Variants in AGBL1 observed in about 807,000 individuals in gnomAD.
The protein encoded by AGBL1 is cytosolic carboxypeptidase 4.
A neutral mutation model predicts 118.9 loss-of-function variants in AGBL1; 130 were observed. The observed-to-expected ratio is 1.09, with a 90% CI of 0.95 to 1.26. AGBL1 has a LOEUF of 1.26. Among genes scored for constraint, AGBL1 ranks in the 50% most tolerant of loss-of-function variants. The pLI is 0.00. For missense variants in AGBL1, 1,584 were observed against 1,298.1 expected (o/e 1.22, Z -3.38); for synonymous variants, 555 against 478.9 (o/e 1.16, Z -2.08).
rs545382956 is a variant in AGBL1 at position 86,277,770 on chromosome 15, G to T, written c.2076-1869G>T. On this transcript the variant is annotated intron_variant, in intron 15 of 22. Coordinates refer to ENST00000614907, the MANE Select transcript of AGBL1 (RefSeq NM_001386094.1). ...CAGGCTCTGTCTCCACCATTTGTAG[G>T]TGAAGAACTGGGGACAGTGAGGCAC... 8.5e-5 allele frequency among the ~76,000 whole-genome samples: 13 copies of T among 152,296 alleles called. No homozygotes were observed. The South Asian group carries it at 2.7e-3, about 32-fold the overall frequency.
At chr15:86,224,816 C>G (rs960039456) in intron 5 of AGBL1, 98 bp from the exon 6 acceptor site, 9 of 1,110,668 alleles carry the variant, frequency 8.1e-6, no homozygotes, top group Admixed American at 1.9e-5. Context: ...AATCATGGGT[C>G]TGTTATGGGG....
At chr15:86,735,791 C>T (rs1478650394) in intron 22 of AGBL1, among the ~76,000 whole-genome samples, 3 of 152,026 alleles carry the variant, frequency 2.0e-5, no homozygotes. Flanking sequence ...TTAAAATGTA[C>T]ATAGGCGTGA....
At chr15:86,484,575 AG>A (rs2082691130) in intron 18 of AGBL1, among the ~76,000 whole-genome samples, 1 of 152,172 alleles carries the variant, frequency 6.6e-6, no homozygotes, top group Non-Finnish European at 1.5e-5. Flanking sequence ...AAATAGAAAC[AG>A]GCTGGCTTCT....
chr15:86,262,864 G>A lies in AGBL1; in HGVS notation c.1056G>A (p.Val352=). 1.2e-6 allele frequency: 2 copies of A among 1,609,294 alleles called. No individual in the cohort carries two copies. The highest frequency in any genetic ancestry group is 1.7e-6 in the Non-Finnish European group (2 of 1,177,846). Residue 352 remains valine (V), a synonymous_variant, in exon 10 of 23, where the codon GTG becomes GTA. Transcript: ENST00000614907. ...RPEEELMQYE[V]MCLELSYSFE... ...AAGAGGAACTGATGCAATATGAGGT[G>A]ATGTGTCTTGAGCTCTCCTATAGCT...
intron 22 of AGBL1, among the ~76,000 whole-genome samples, chr15:86,710,273 G>A (rs767827205): frequency 6.6e-6 from 1 of 152,126 alleles, no homozygotes; most frequent in Non-Finnish European, 1.5e-5. Context: ...TTGCATGTTG[G>A]GGTGATGCAC....
chr15:86,256,741 A>G, intron 7 of AGBL1, 112 bp from the exon 8 acceptor site: 1 of 1,081,222 alleles, frequency 9.2e-7, no homozygotes, highest in Non-Finnish European at 1.3e-6. Flanking sequence ...ATTAGCTGAA[A>G]CACAGCTAGG....
At chr15:86,803,531 C>A (rs75448811) in intron 22 of AGBL1, among the ~76,000 whole-genome samples, 1 of 152,226 alleles carries the variant, frequency 6.6e-6, no homozygotes, top group East Asian at 1.9e-4. Context: ...TATCCTGCCT[C>A]GTTTCAGAAA....
At chr15:86,858,466 GTGTGT>G (rs1464775861) in intron 22 of AGBL1, among the ~76,000 whole-genome samples, 1 of 139,164 alleles carries the variant, frequency 7.2e-6, no homozygotes, top group East Asian at 2.0e-4. Flanking sequence ...TTCAGGTGGT[GTGTGT>G]GTGTGTGTGT....
At chr15:86,460,927 C>T (rs958265969) in intron 18 of AGBL1, among the ~76,000 whole-genome samples, 2 of 152,122 alleles carry the variant, frequency 1.3e-5, no homozygotes, top group African/African-American at 4.8e-5. Flanking sequence ...ATTTTGTTTC[C>T]GTTGAATTTG....
At chr15:86,318,627 T>A (rs2080055148) in intron 17 of AGBL1, among the ~76,000 whole-genome samples, 1 of 150,826 alleles carries the variant, frequency 6.6e-6, no homozygotes, top group Non-Finnish European at 1.5e-5. Context: ...GAATAGAGAA[T>A]CACTGAGCCT....
intron 22 of AGBL1, among the ~76,000 whole-genome samples, chr15:86,798,868 T>C (rs1234987661): frequency 1.3e-5 from 2 of 151,880 alleles, no homozygotes; most frequent in African/African-American, 2.4e-5. Context: ...TTTTTGATTA[T>C]TATTGTTGGA....
chr15:86,882,062 C>T (rs1471331307), intron 22 of AGBL1, among the ~76,000 whole-genome samples: 1 of 152,172 alleles, frequency 6.6e-6, no homozygotes, highest in Non-Finnish European at 1.5e-5. Context: ...GATCTACTTG[C>T]ATTAAATGGG....
At chr15:86,533,274 A>C (rs1235477633) in intron 19 of AGBL1, among the ~76,000 whole-genome samples, 4 of 108,914 alleles carry the variant, frequency 3.7e-5, no homozygotes, top group Admixed American at 8.3e-5. Context: ...AGAAAAAAAC[A>C]AACAACCCAG....
intron 17 of AGBL1, among the ~76,000 whole-genome samples, chr15:86,321,895 T>A (rs2346305): frequency 0.5 from 75,970 of 151,560 alleles, 19,281 homozygotes; most frequent in Middle Eastern, 0.6. Context: ...TTACTTTTTT[T>A]AACCCATGAA....
intron 23 of AGBL1, among the ~76,000 whole-genome samples, chr15:86,939,323 C>T (rs186954805): frequency 1.0e-3 from 159 of 152,306 alleles, no homozygotes; most frequent in African/African-American, 3.6e-3. Flanking sequence ...TCTTCTGACC[C>T]TCATCTTTCT....
At chr15:86,095,937 G>A (rs368604178) in intron 1 of AGBL1, among the ~76,000 whole-genome samples, 2 of 151,942 alleles carry the variant, frequency 1.3e-5, no homozygotes, top group South Asian at 4.2e-4. Flanking sequence ...ATAAGTGGTA[G>A]TGAAGAGATC....
chr15:86,427,365 C>T (rs1446477246), intron 18 of AGBL1, among the ~76,000 whole-genome samples: 2 of 152,100 alleles, frequency 1.3e-5, no homozygotes, highest in African/African-American at 2.4e-5. Flanking sequence ...TTAGTACATA[C>T]TGTGTGTCAT....
chr15:86,665,575 TGGTATTTCA>T (rs2085630511), intron 21 of AGBL1, among the ~76,000 whole-genome samples: 1 of 152,160 alleles, frequency 6.6e-6, no homozygotes, highest in Admixed American at 6.6e-5. Context: ...GTTTAGTTTA[TGGTATTTCA>T]GGTTATTTAG....
At chr15:86,570,729 G>A (rs570877266) in intron 21 of AGBL1, among the ~76,000 whole-genome samples, 1 of 152,102 alleles carries the variant, frequency 6.6e-6, no homozygotes, top group Non-Finnish European at 1.5e-5. Context: ...GCTATTTCAG[G>A]TTTCCTTTTG....
Sources: allele counts gnomAD v4.1 joint callset (sites outside exome capture counted in the v4.1 genomes callset), GRCh38; gene constraint gnomAD v4.1.1; transcripts MANE v1.5; gene names NCBI Gene and HGNC (gene_info 2026-07-23, HGNC 2026-07-21).